Variants in MIER2 observed in about 807,000 individuals in gnomAD.
MIER2 encodes mesoderm induction early response protein 2.
Under a neutral mutation model 67.6 loss-of-function variants are expected in MIER2, and 30 were observed. The observed-to-expected ratio is 0.44, with a 90% CI of 0.33 to 0.60. The LOEUF (loss-of-function observed/expected upper bound fraction) is 0.60, where lower values mean the gene tolerates loss of function less well. MIER2 is among the 20% of genes least tolerant of loss of function. The probability of loss-of-function intolerance (pLI) is 0.02; values close to 1 mark genes in which losing one functional copy is unlikely to be tolerated. For missense variants in MIER2, 702 were observed against 745.1 expected, an observed-to-expected ratio of 0.94 and a Z score of 0.67; for synonymous variants, 372 against 312.6, an observed-to-expected ratio of 1.19 and a Z score of -2.00.
In MIER2 at chr19:334,382, A is replaced by T. The variant is rs1972146824; in HGVS notation, c.243+18T>A. ...GGGCTCCACCCAACACAGGGGCAGG[A>T]TCACCTTGGCCAAGTACCTGGGAGA... On this transcript the variant is annotated intron_variant, in intron 3 of 13. Coordinates refer to ENST00000264819, the MANE Select transcript of MIER2 (RefSeq NM_017550.3). The T allele has an allele frequency of 6.2e-7, 1 of 1,613,698 alleles. No individual in the cohort carries two copies. The highest frequency in any genetic ancestry group is 1.1e-5 in the South Asian group (1 of 91,058).
At position 327,264 on chromosome 19, in the gene MIER2, A is replaced by G. The variant is rs1473432634; in HGVS notation, c.370-8T>C. On this transcript the variant is annotated splice_polypyrimidine_tract_variant and splice_region_variant and intron_variant, in intron 4 of 13. Coordinates refer to ENST00000264819, the MANE Select transcript of MIER2 (RefSeq NM_017550.3). ...ATCCTTCGCTATTTGTTCCTTTAAA[A>G]AAAAAAAAAAAAGTAAAGAACATTT... 2 of 1,568,114 alleles carry G rather than the reference A, an allele frequency of 1.3e-6. No individual in the cohort carries two copies. Among genetic ancestry groups the G allele is most frequent in the East Asian group, 2.3e-5 (1 of 44,282 alleles).
chr19:333,288 G>A (rs1264880240), intron 3 of MIER2, among the ~76,000 whole-genome samples: 1 of 75,520 alleles, frequency 1.3e-5, no homozygotes, highest in East Asian at 6.2e-4. Flanking sequence ...ATGAGCCACC[G>A]CGCCCAACAA....
At chr19:329,382 T>C (rs1971918022) in intron 3 of MIER2, among the ~76,000 whole-genome samples, 2 of 152,206 alleles carry the variant, frequency 1.3e-5, no homozygotes, top group Non-Finnish European at 2.9e-5. Context: ...TGCCTGAACC[T>C]CTCCATAGTA....
At chr19:313,341 C>A in intron 8 of MIER2, 151 bp downstream of exon 8, 4 of 1,282,704 alleles carry the variant, frequency 3.1e-6, no homozygotes, top group Non-Finnish European at 1.1e-6. Context: ...CCCCTTCTGA[C>A]CTGAGTAGCT....
intron 5 of MIER2, 152 bp downstream of exon 5, chr19:326,981 C>A: frequency 9.1e-7 from 1 of 1,103,244 alleles, no homozygotes; most frequent in Non-Finnish European, 1.3e-6. Context: ...GAGAACAAAG[C>A]ACCCCCAGGG....
chr19:344,625 G>A (rs1327665339), intron 1 of MIER2, 149 bp downstream of exon 1: 3 of 389,746 alleles, frequency 7.7e-6, no homozygotes, highest in Non-Finnish European at 1.1e-5. Flanking sequence ...GCGCCCCTCC[G>A]GCCCCGGACG....
intron 1 of MIER2, chr19:344,293 G>C (rs1167878884): frequency 1.0e-6 from 1 of 985,016 alleles, no homozygotes. Flanking sequence ...GGGCGGCGGA[G>C]GCGCGGTGGG....
chr19:322,791 G>C (rs777962639), intron 7 of MIER2, among the ~76,000 whole-genome samples: 1 of 152,048 alleles, frequency 6.6e-6, no homozygotes, highest in African/African-American at 2.4e-5. Context: ...ATCAAGTGCC[G>C]AGTGCCTATG....
intron 1 of MIER2, among the ~76,000 whole-genome samples, chr19:343,547 CA>C (rs1972597046): frequency 6.6e-6 from 1 of 152,210 alleles, no homozygotes; most frequent in African/African-American, 2.4e-5. Context: ...AGGTCGTCAC[CA>C]GGGGGAGAGA....
chr19:308,633 G>T lies in MIER2; in HGVS notation c.1142C>A (p.Pro381His). The T allele has an allele frequency of 6.2e-7, 1 of 1,606,414 alleles. No individual in the cohort carries two copies. Reference protein sequence around the residue: ...DADQDLDGSDPDGPGRPRPEQ... With the variant: ...DADQDLDGSDHDGPGRPRPEQ... The stretch of plus-strand genomic sequence containing the variant: ...CGGGCGCGGACGGCCGGGGCCATCG[G>T]GGTCGCTGCCATCCAGGTCCTGGTC... Residue 381 changes from proline (P) to histidine (H), a missense_variant, in exon 12 of 14, where the codon CCC becomes CAC. Physicochemically the swap from Pro to His is moderately conservative, Grantham distance 77. Coordinates refer to ENST00000264819, the MANE Select transcript of MIER2 (RefSeq NM_017550.3). This position sits in a 1 kb window ranked among gnomAD's most constrained non-coding sequence, Gnocchi z 9.1.
At chr19:310,250 C>A (rs1970890884) in intron 10 of MIER2, among the ~76,000 whole-genome samples, 1 of 152,232 alleles carries the variant, frequency 6.6e-6, no homozygotes, top group Non-Finnish European at 1.5e-5. Flanking sequence ...TCTGGGCCAA[C>A]TAACCCACCG....
At chr19:310,630 T>TGC (rs1970937945) in intron 10 of MIER2, among the ~76,000 whole-genome samples, 1 of 133,002 alleles carries the variant, frequency 7.5e-6, no homozygotes. Context: ...AGCCCGGAGC[T>TGC]ATAGAAACAG....
chr19:337,749 A>C (rs957782293), intron 1 of MIER2, among the ~76,000 whole-genome samples: 1 of 151,760 alleles, frequency 6.6e-6, no homozygotes, highest in Non-Finnish European at 1.5e-5. Context: ...TGTGCCTGTA[A>C]TCCCAGCTAC....
chr19:342,033 G>C (rs1972529882), intron 1 of MIER2, among the ~76,000 whole-genome samples: 1 of 152,104 alleles, frequency 6.6e-6, no homozygotes, highest in African/African-American at 2.4e-5. Flanking sequence ...CGCCAAGATG[G>C]CTGCACCTAC....
chr19:339,193 T>C (rs1018750221), intron 1 of MIER2, among the ~76,000 whole-genome samples: 8 of 145,856 alleles, frequency 5.5e-5, no homozygotes, highest in African/African-American at 2.0e-4. Context: ...TAGGAGAAAA[T>C]ATCTGAAAAA....
intron 1 of MIER2, among the ~76,000 whole-genome samples, chr19:338,147 G>A (rs978292612): frequency 3.9e-5 from 5 of 128,600 alleles, no homozygotes; most frequent in Admixed American, 9.3e-5. Context: ...ACTCCAGCCT[G>A]GCAATACAGC....
At chr19:335,633 A>G (rs188903577) in intron 2 of MIER2, among the ~76,000 whole-genome samples, 1 of 152,322 alleles carries the variant, frequency 6.6e-6, no homozygotes, top group Non-Finnish European at 1.5e-5. Flanking sequence ...GGCCCAACGC[A>G]GGTGGCTGGC....
chr19:315,225 C>T (rs181602862), intron 7 of MIER2, among the ~76,000 whole-genome samples: 8 of 152,072 alleles, frequency 5.3e-5, no homozygotes, highest in Non-Finnish European at 1.0e-4. Context: ...ATTAGCCGGG[C>T]GTGGTCATGG....
chr19:321,936 G>T (rs746403834), intron 7 of MIER2, among the ~76,000 whole-genome samples: 2 of 151,558 alleles, frequency 1.3e-5, no homozygotes, highest in Non-Finnish European at 2.9e-5. Context: ...ACAGAGTCTC[G>T]CTCTGTCACC....
Sources: allele counts gnomAD v4.1 joint callset (sites outside exome capture counted in the v4.1 genomes callset), GRCh38; gene constraint gnomAD v4.1.1; non-coding constraint Gnocchi (gnomAD v3.1); transcripts MANE v1.5; gene names NCBI Gene and HGNC (gene_info 2026-07-23, HGNC 2026-07-21).